XYLT1: variants seen among roughly 807,000 people sequenced by gnomAD.
XYLT1 encodes beta-D-xylosyltransferase 1.
A neutral mutation model predicts 91.3 loss-of-function variants in XYLT1; 36 were observed. The observed-to-expected ratio is 0.39, with a 90% confidence interval of 0.30 to 0.52. The LOEUF (loss-of-function observed/expected upper bound fraction) is 0.52. XYLT1 is among the 20% of genes least tolerant of loss of function. The pLI is 0.68. For synonymous variants in XYLT1, 588 were observed against 532.0 expected, an observed-to-expected ratio of 1.11 and a Z score of -1.45; for missense variants, 1,242 against 1,284.5, an observed-to-expected ratio of 0.97 and a Z score of 0.51.
At chr16:17,181,477 C>G (rs2032067367) in intron 5 of XYLT1, among the ~76,000 whole-genome samples, 1 of 152,178 alleles carries the variant, frequency 6.6e-6, no homozygotes, top group Admixed American at 6.5e-5. Context: ...CCATTATCAT[C>G]AAAAAATTTC....
intron 11 of XYLT1, among the ~76,000 whole-genome samples, chr16:17,114,906 G>A (rs1383782796): frequency 1.3e-5 from 2 of 151,946 alleles, no homozygotes; most frequent in South Asian, 2.1e-4. Flanking sequence ...GTGCAGTGGC[G>A]TGATCTCAGT....
chr16:17,192,426 C>T (rs1277815637), intron 5 of XYLT1, among the ~76,000 whole-genome samples: 1 of 152,166 alleles, frequency 6.6e-6, no homozygotes, highest in African/African-American at 2.4e-5. Context: ...CAAGTCCAAG[C>T]CAAGAAACAG....
intron 1 of XYLT1, among the ~76,000 whole-genome samples, chr16:17,385,616 G>A (rs7202929): frequency 0.3 from 45,843 of 151,576 alleles, 7,590 homozygotes; most frequent in Non-Finnish European, 0.37. Context: ...GTACCACCCA[G>A]TCCAGTAACT....
rs112321406 is a variant in XYLT1, at chr16:17,220,575, C to G, written c.914-19921G>C. 4.4e-3 allele frequency among the ~76,000 whole-genome samples: 673 copies of G among 152,270 alleles called. 2 individuals carry two copies. Among genetic ancestry groups the G allele is most frequent in the African/African-American group, 0.015 (633 of 41,556 alleles). ...GCAACCCCTGCCTCCTGGGTTCAAG[C>G]GATTCTCCTGCCTCAGCCTCCCGAG... is the stretch of plus-strand genomic sequence containing the variant. On this transcript the variant is annotated intron_variant, in intron 3 of 11. Coordinates refer to ENST00000261381, the MANE Select transcript of XYLT1 (RefSeq NM_022166.4).
At chr16:17,375,040 C>A (rs2035580537) in intron 1 of XYLT1, among the ~76,000 whole-genome samples, 2 of 152,158 alleles carry the variant, frequency 1.3e-5, no homozygotes, top group African/African-American at 4.8e-5. Context: ...GTGGCTCAAC[C>A]TGCAACAACC....
At chr16:17,416,539 C>T (rs562859082) in intron 1 of XYLT1, among the ~76,000 whole-genome samples, 1 of 152,320 alleles carries the variant, frequency 6.6e-6, no homozygotes, top group Admixed American at 6.5e-5. Flanking sequence ...GGGCACATCC[C>T]TATCACAATC....
intron 3 of XYLT1, among the ~76,000 whole-genome samples, chr16:17,219,930 C>T (rs2032936686): frequency 6.6e-6 from 1 of 152,120 alleles, no homozygotes; most frequent in South Asian, 2.1e-4. Flanking sequence ...ACTTGGGAGG[C>T]TGAGGCAGGA....
At chr16:17,458,224 G>C (rs974515169) in intron 1 of XYLT1, among the ~76,000 whole-genome samples, 4 of 152,104 alleles carry the variant, frequency 2.6e-5, no homozygotes, top group African/African-American at 9.7e-5. Flanking sequence ...TGCTAACGTT[G>C]TACTGCGGTT....
chr16:17,343,366 C>T (rs1455450424), intron 2 of XYLT1, among the ~76,000 whole-genome samples: 1 of 152,216 alleles, frequency 6.6e-6, no homozygotes, highest in Admixed American at 6.5e-5. Context: ...GCATCAACAG[C>T]GACTCAGGCA....
At chr16:17,363,037 TCTCA>T (rs1486009361) in intron 1 of XYLT1, among the ~76,000 whole-genome samples, 1 of 152,168 alleles carries the variant, frequency 6.6e-6, no homozygotes, top group Non-Finnish European at 1.5e-5. Flanking sequence ...AAAGATGGTG[TCTCA>T]CTGTCACTCA....
chr16:17,402,606 A>G (rs776687162), intron 1 of XYLT1, among the ~76,000 whole-genome samples: 1 of 152,202 alleles, frequency 6.6e-6, no homozygotes, highest in Non-Finnish European at 1.5e-5. Context: ...ATGGACAAAA[A>G]GAAGCTCTCT....
chr16:17,218,365 T>G (rs2032900817), intron 3 of XYLT1, among the ~76,000 whole-genome samples: 1 of 151,276 alleles, frequency 6.6e-6, no homozygotes, highest in Non-Finnish European at 1.5e-5. Context: ...GACTTTTGTT[T>G]TTTTTTTTAC....
chr16:17,212,876 C>T (rs146262308), intron 3 of XYLT1, among the ~76,000 whole-genome samples: 13 of 152,284 alleles, frequency 8.5e-5, no homozygotes, highest in East Asian at 1.9e-4. Context: ...TCTGTGAAAA[C>T]GCTGCGCTGT....
chr16:17,271,238 T>C (rs1318492516), intron 2 of XYLT1, among the ~76,000 whole-genome samples: 2 of 152,154 alleles, frequency 1.3e-5, no homozygotes, highest in East Asian at 3.9e-4. Context: ...TTGCCTCTAA[T>C]TAATTGCAGC....
At chr16:17,436,736 G>T (rs2036464064) in intron 1 of XYLT1, among the ~76,000 whole-genome samples, 1 of 152,216 alleles carries the variant, frequency 6.6e-6, no homozygotes, top group African/African-American at 2.4e-5. Context: ...ATGCAGTGGA[G>T]AATTACATAA....
intron 2 of XYLT1, among the ~76,000 whole-genome samples, chr16:17,270,639 G>A (rs1234853605): frequency 6.6e-6 from 1 of 152,240 alleles, no homozygotes; most frequent in East Asian, 1.9e-4. Flanking sequence ...TTTACTATGT[G>A]CTGATTACCT....
chr16:17,177,456 G>A (rs908121607), intron 5 of XYLT1, among the ~76,000 whole-genome samples: 4 of 152,070 alleles, frequency 2.6e-5, no homozygotes, highest in African/African-American at 9.7e-5. Flanking sequence ...TTATTTGATG[G>A]CTTAATCTGT....
chr16:17,104,783 G>A lies in XYLT1; in HGVS notation c.*3912C>T, dbSNP rs1966751942. On this transcript the variant is annotated 3_prime_UTR_variant, in exon 12 of 12. Transcript: ENST00000261381. Reference sequence around the variant, plus strand: ...ATTTTTACAAACAATGACAGGTTGGGGCTGAGTAGCAGCTGCTCATTCTGG... The same window carrying A: ...ATTTTTACAAACAATGACAGGTTGGAGCTGAGTAGCAGCTGCTCATTCTGG... The A allele has an allele frequency of 6.6e-6, 1 of 152,178 alleles. No homozygotes were observed. The highest frequency in any genetic ancestry group is 1.5e-5 in the Non-Finnish European group (1 of 68,056). The allele number at this position is 152,178 out of a possible 1,614,324, so 9.4% of individuals were successfully genotyped here.
chr16:17,349,024 T>C (rs2035184148), intron 2 of XYLT1, among the ~76,000 whole-genome samples: 1 of 152,238 alleles, frequency 6.6e-6, no homozygotes, highest in Non-Finnish European at 1.5e-5. Flanking sequence ...TCTGCCTCAG[T>C]GCTTGAAGTC....
Sources: gnomAD v4.1 joint callset for allele counts (sites outside exome capture counted in the v4.1 genomes callset) on GRCh38, gnomAD v4.1.1 for gene constraint, MANE v1.5 for transcripts, NCBI Gene and HGNC (gene_info 2026-07-23, HGNC 2026-07-21) for gene names.